Variants in KCNQ3 observed in about 807,000 individuals in gnomAD.
KCNQ3 encodes potassium voltage-gated channel subfamily KQT member 3.
Under a neutral mutation model 92.5 loss-of-function variants are expected in KCNQ3, and 30 were observed. That is an observed-to-expected ratio of 0.32 (90% confidence interval 0.24 to 0.44). The LOEUF (loss-of-function observed/expected upper bound fraction) is 0.44, where lower values mean the gene tolerates loss of function less well. Among genes scored for constraint, KCNQ3 ranks in the 20% least tolerant of loss-of-function variants. The probability of loss-of-function intolerance (pLI) is 1.00; values close to 1 mark genes in which losing one functional copy is unlikely to be tolerated. For missense variants in KCNQ3, 913 were observed against 1,140.3 expected, an observed-to-expected ratio of 0.80 and a Z score of 2.87; for synonymous variants, 450 against 468.8, an observed-to-expected ratio of 0.96 and a Z score of 0.52.
At chr8:132,453,788 G>A (rs1821878600) in intron 1 of KCNQ3, among the ~76,000 whole-genome samples, 1 of 152,170 alleles carries the variant, frequency 6.6e-6, no homozygotes, top group South Asian at 2.1e-4. Flanking sequence ...TGGTTGTGGG[G>A]GAACAGCAGT....
At chr8:132,303,346 T>A (rs1254233567) in intron 1 of KCNQ3, among the ~76,000 whole-genome samples, 1 of 151,670 alleles carries the variant, frequency 6.6e-6, no homozygotes, top group Non-Finnish European at 1.5e-5. Flanking sequence ...TAAAAATGTA[T>A]ACAACTAAAT....
At chr8:132,266,539 G>A (rs118059461) in intron 1 of KCNQ3, among the ~76,000 whole-genome samples, 634 of 152,286 alleles carry the variant, frequency 4.2e-3, no homozygotes, top group Non-Finnish European at 7.8e-3. Context: ...TTGCATAGGT[G>A]TGGCCAAAGG....
At chr8:132,285,235 G>C in intron 1 of KCNQ3, among the ~76,000 whole-genome samples, 1 of 152,170 alleles carries the variant, frequency 6.6e-6, no homozygotes, top group East Asian at 1.9e-4. Flanking sequence ...GGAGTATTAA[G>C]GGTGATTCTG....
chr8:132,416,740 G>A (rs576556476), intron 1 of KCNQ3, among the ~76,000 whole-genome samples: 63 of 152,248 alleles, frequency 4.1e-4, no homozygotes, highest in Middle Eastern at 3.4e-3. Context: ...GCCCTCAAGG[G>A]GTTTCCAGTC....
rs375577222 is a variant in KCNQ3 at position 132,395,876 on chromosome 8, A to C, written c.386+84271T>G. On this transcript the variant is annotated intron_variant, in intron 1 of 14. Transcript: ENST00000388996. ...AGGAGGAATGGACAGAACCCATGGG[A>C]ACACGAACTGGCCCAAAGCATTTAG... 3.5e-4 allele frequency among the ~76,000 whole-genome samples: 53 copies of C among 152,330 alleles called. 2 individuals are homozygous for C. In the South Asian group the frequency reaches 0.011, roughly 32 times the overall value.
At chr8:132,150,642 CTG>C (rs1395083889) in intron 9 of KCNQ3, among the ~76,000 whole-genome samples, 1 of 151,788 alleles carries the variant, frequency 6.6e-6, no homozygotes, top group African/African-American at 2.4e-5. Context: ...TTTTGGTTGA[CTG>C]AAATATTTTT....
At chr8:132,350,164 TC>T (rs568093419) in intron 1 of KCNQ3, among the ~76,000 whole-genome samples, 152 of 152,302 alleles carry the variant, frequency 1.0e-3, no homozygotes, top group African/African-American at 3.6e-3. Flanking sequence ...TCCGGATACA[TC>T]TTGCAGACAC....
chr8:132,317,471 CTAGTGGGT>C (rs1178111652), intron 1 of KCNQ3, among the ~76,000 whole-genome samples: 1 of 152,174 alleles, frequency 6.6e-6, no homozygotes, highest in Non-Finnish European at 1.5e-5. Flanking sequence ...TCCAAATGTT[CTAGTGGGT>C]AGAGTGATGA....
chr8:132,198,367 G>T (rs1172586548), intron 1 of KCNQ3, among the ~76,000 whole-genome samples: 1 of 152,230 alleles, frequency 6.6e-6, no homozygotes, highest in Non-Finnish European at 1.5e-5. Context: ...ATAAATGTGT[G>T]TTGTGTTTAG....
At chr8:132,457,604 C>T (rs573361864) in intron 1 of KCNQ3, among the ~76,000 whole-genome samples, 92 of 152,312 alleles carry the variant, frequency 6.0e-4, no homozygotes, top group African/African-American at 9.9e-4. Context: ...CATCTTTCCA[C>T]GCCTGGATCA....
chr8:132,185,071 G>A (rs1826919254), intron 2 of KCNQ3, among the ~76,000 whole-genome samples: 1 of 152,188 alleles, frequency 6.6e-6, no homozygotes, highest in South Asian at 2.1e-4. Context: ...CTCCCTGGGT[G>A]CCCTGAGGCA....
At chr8:132,337,165 C>T (rs982324940) in intron 1 of KCNQ3, among the ~76,000 whole-genome samples, 1 of 152,240 alleles carries the variant, frequency 6.6e-6, no homozygotes, top group African/African-American at 2.4e-5. Context: ...CATGGAACAT[C>T]CTGGGGCATA....
At chr8:132,187,661 T>C (rs932909527) in intron 1 of KCNQ3, among the ~76,000 whole-genome samples, 6 of 151,538 alleles carry the variant, frequency 4.0e-5, no homozygotes, top group African/African-American at 9.7e-5. Flanking sequence ...GTTGTGATGA[T>C]AGTGGTGGTG....
chr8:132,407,192 A>G (rs1489600834), intron 1 of KCNQ3, among the ~76,000 whole-genome samples: 2 of 152,172 alleles, frequency 1.3e-5, no homozygotes, highest in Non-Finnish European at 2.9e-5. Context: ...TCACCCCAGG[A>G]GCAGCCACAG....
chr8:132,445,196 G>A (rs1443193788), intron 1 of KCNQ3, among the ~76,000 whole-genome samples: 3 of 152,184 alleles, frequency 2.0e-5, no homozygotes, highest in Non-Finnish European at 4.4e-5. Flanking sequence ...GCTCTTAATT[G>A]TGGCATTACA....
chr8:132,404,822 C>A (rs1820434783), intron 1 of KCNQ3, among the ~76,000 whole-genome samples: 1 of 152,174 alleles, frequency 6.6e-6, no homozygotes, highest in African/African-American at 2.4e-5. Flanking sequence ...AAAGATCAGG[C>A]AATTCACATG....
chr8:132,380,931 G>GAAAAAAAA lies in KCNQ3; in HGVS notation c.386+99208_386+99215dup, dbSNP rs553931640. ...TTCTACAGAAAAAGAAATGAAAGCAGAAAAAAAAAAAAAAAAAAAACAACC... is the reference window on the plus strand; with the variant it reads ...TTCTACAGAAAAAGAAATGAAAGCAGAAAAAAAAAAAAAAAAAAAAAAAAAAAACAACC... On this transcript the variant is annotated intron_variant, in intron 1 of 14. Transcript: ENST00000388996. 2.7e-4 allele frequency among the ~76,000 whole-genome samples: 24 copies of GAAAAAAAA among 87,434 alleles called. 1 individual carries two copies. The highest frequency in any genetic ancestry group is 5.0e-4 in the Non-Finnish European group (20 of 40,070). The allele number at this position is 87,434 out of a possible 152,430, so 57.4% of individuals were successfully genotyped here. A position where few individuals can be genotyped will look rare whatever the true frequency, so the allele number is the denominator to read the frequency against.
intron 1 of KCNQ3, among the ~76,000 whole-genome samples, chr8:132,213,194 C>T (rs910051088): frequency 9.2e-5 from 14 of 152,174 alleles, no homozygotes; most frequent in African/African-American, 1.7e-4. Context: ...CAGCCCATAA[C>T]GCCAGCCACT....
chr8:132,250,804 G>C (rs1815382506), intron 1 of KCNQ3, among the ~76,000 whole-genome samples: 2 of 152,150 alleles, frequency 1.3e-5, no homozygotes, highest in South Asian at 4.2e-4. Context: ...CTGCCCTTAA[G>C]GTACTCAAAG....
Sources: gnomAD v4.1 joint callset for allele counts (sites outside exome capture counted in the v4.1 genomes callset) on GRCh38, gnomAD v4.1.1 for gene constraint, MANE v1.5 for transcripts, NCBI Gene and HGNC (gene_info 2026-07-23, HGNC 2026-07-21) for gene names.